The following ARHGAP26 variants were observed in gnomAD, a reference collection of about 807,000 sequenced individuals.
The protein encoded by ARHGAP26 is Rho GTPase activating protein 26, also known as rho GTPase-activating protein 26.
ARHGAP26 carries 38 observed loss-of-function variants against 104.8 expected under a neutral mutation model. The observed-to-expected ratio is 0.36, with a 90% CI of 0.28 to 0.48. ARHGAP26 has a LOEUF of 0.48. Among genes scored for constraint, ARHGAP26 ranks in the 20% least tolerant of loss-of-function variants. The pLI, the probability that ARHGAP26 is intolerant of heterozygous loss-of-function variation, is 0.99. For synonymous variants in ARHGAP26, 341 were observed against 340.0 expected, an observed-to-expected ratio of 1.00 and a Z score of -0.03; for missense variants, 704 against 947.9, an observed-to-expected ratio of 0.74 and a Z score of 3.38.
intron 17 of ARHGAP26, among the ~76,000 whole-genome samples, chr5:143,097,368 A>G (rs1223540526): frequency 6.6e-6 from 1 of 150,572 alleles, no homozygotes; most frequent in Non-Finnish European, 1.5e-5. Context: ...AAGAAAAAAA[A>G]AAAAAAAAAA....
At chr5:143,217,572 C>T (rs927911701) in intron 22 of ARHGAP26, among the ~76,000 whole-genome samples, 1 of 152,310 alleles carries the variant, frequency 6.6e-6, no homozygotes, top group South Asian at 2.1e-4. Context: ...CATTCATTCC[C>T]ATGGTACCTA....
At chr5:142,869,228 A>G (rs1469690028) in intron 1 of ARHGAP26, among the ~76,000 whole-genome samples, 1 of 132,284 alleles carries the variant, frequency 7.6e-6, no homozygotes, top group East Asian at 2.1e-4. Context: ...TTTTTTTGAG[A>G]CAGCGTCTCA....
In ARHGAP26 at chr5:143,223,911, T is replaced by C. The variant is rs1811454930; in HGVS notation, c.*1465T>C. ...ACTTGGCCTGCAAACAACAGAGTTATCCGTATCTTCCACATGTGAATGTCA... is the reference window on the plus strand; with the variant it reads ...ACTTGGCCTGCAAACAACAGAGTTACCCGTATCTTCCACATGTGAATGTCA... On this transcript the variant is annotated 3_prime_UTR_variant, in exon 23 of 23. Coordinates refer to ENST00000645722, the MANE Select transcript of ARHGAP26 (RefSeq NM_001135608.3). 3 of 231,734 alleles carry C rather than the reference T, an allele frequency of 1.3e-5. No homozygotes were observed. 14.4% of individuals were successfully genotyped at this position (231,734 alleles called of 1,614,324 possible).
chr5:142,829,730 C>T (rs252455), intron 1 of ARHGAP26, among the ~76,000 whole-genome samples: 44,549 of 152,140 alleles, frequency 0.29, 8,796 homozygotes, highest in African/African-American at 0.55. Flanking sequence ...CCTGGTCAAG[C>T]AGGTAATGGT....
chr5:142,796,623 C>T (rs941782601), intron 1 of ARHGAP26, among the ~76,000 whole-genome samples: 1 of 152,262 alleles, frequency 6.6e-6, no homozygotes, highest in African/African-American at 2.4e-5. Flanking sequence ...AACGTTTCTG[C>T]TAGCCCTTTT....
At chr5:142,890,151 A>AAAAAAAAAAATATATAT (rs1252590997) in intron 5 of ARHGAP26, among the ~76,000 whole-genome samples, 1 of 32,430 alleles carries the variant, frequency 3.1e-5, no homozygotes, top group Non-Finnish European at 5.5e-5. Context: ...AAAAAAAAAA[A>AAAAAAAAAAATATATAT]ATATATATAT....
intron 21 of ARHGAP26, among the ~76,000 whole-genome samples, chr5:143,209,198 T>C (rs1393881389): frequency 6.6e-6 from 1 of 152,230 alleles, no homozygotes; most frequent in East Asian, 1.9e-4. Context: ...CCTCTCTGCC[T>C]TGATGGTACT....
intron 20 of ARHGAP26, among the ~76,000 whole-genome samples, chr5:143,179,206 C>T (rs541987165): frequency 1.8e-4 from 28 of 152,170 alleles, no homozygotes; most frequent in Non-Finnish European, 4.0e-4. Context: ...GATTATCAGA[C>T]ATTAATATAC....
chr5:143,215,680 A>C (rs965075521), intron 22 of ARHGAP26, among the ~76,000 whole-genome samples: 2 of 152,190 alleles, frequency 1.3e-5, no homozygotes, highest in African/African-American at 4.8e-5. Context: ...TTGTCTCTCT[A>C]GATTTGCCTG....
At chr5:142,953,981 C>T (rs1768805423) in intron 11 of ARHGAP26, among the ~76,000 whole-genome samples, 1 of 152,164 alleles carries the variant, frequency 6.6e-6, no homozygotes, top group Non-Finnish European at 1.5e-5. Flanking sequence ...TTTCTTGTCT[C>T]CTTTGGACCA....
chr5:142,968,989 T>C (rs1480775606), intron 11 of ARHGAP26, among the ~76,000 whole-genome samples: 1 of 152,278 alleles, frequency 6.6e-6, no homozygotes, highest in Non-Finnish European at 1.5e-5. Context: ...TGGAGCGCAG[T>C]GGCGCACTCA....
chr5:142,893,689 A>G (rs1759047033), intron 5 of ARHGAP26, among the ~76,000 whole-genome samples: 1 of 152,218 alleles, frequency 6.6e-6, no homozygotes, highest in African/African-American at 2.4e-5. Flanking sequence ...TCTCCATAAT[A>G]GTTGTACTAA....
chr5:142,943,396 T>C (rs1327820128), intron 11 of ARHGAP26, among the ~76,000 whole-genome samples: 1 of 152,170 alleles, frequency 6.6e-6, no homozygotes, highest in African/African-American at 2.4e-5. Flanking sequence ...ACCATCAAAT[T>C]TGGTGTCTAG....
intron 12 of ARHGAP26, among the ~76,000 whole-genome samples, chr5:143,026,758 A>G (rs1159064372): frequency 8.2e-6 from 1 of 122,150 alleles, no homozygotes; most frequent in African/African-American, 3.1e-5. Flanking sequence ...TGTTTTTAAA[A>G]GATGACTCTG....
chr5:142,845,305 A>C (rs1023829581), intron 1 of ARHGAP26, among the ~76,000 whole-genome samples: 4 of 152,136 alleles, frequency 2.6e-5, no homozygotes, highest in African/African-American at 9.7e-5. Context: ...TCATCCTTAG[A>C]AGAATGCTTC....
At chr5:143,212,431 A>G (rs1599543535) in intron 21 of ARHGAP26, among the ~76,000 whole-genome samples, 1 of 151,852 alleles carries the variant, frequency 6.6e-6, no homozygotes, top group East Asian at 1.9e-4. Flanking sequence ...TTGCTGGCCA[A>G]TACATAGACT....
intron 11 of ARHGAP26, among the ~76,000 whole-genome samples, chr5:142,953,136 C>G (rs1768655485): frequency 6.6e-6 from 1 of 152,188 alleles, no homozygotes; most frequent in Non-Finnish European, 1.5e-5. Flanking sequence ...AATGAACGCC[C>G]ACACCAACCA....
chr5:143,176,753 A>C (rs147625969), intron 20 of ARHGAP26, among the ~76,000 whole-genome samples: 93 of 152,316 alleles, frequency 6.1e-4, no homozygotes, highest in African/African-American at 2.2e-3. Flanking sequence ...AGAGGTCTAC[A>C]TTTGGCATTG....
chr5:142,889,039 C>A (rs1414561152), intron 5 of ARHGAP26, among the ~76,000 whole-genome samples: 1 of 152,180 alleles, frequency 6.6e-6, no homozygotes, highest in Non-Finnish European at 1.5e-5. Flanking sequence ...GATTCTGTGG[C>A]CCACACCATT....
Sources: gnomAD v4.1 joint callset for allele counts (sites outside exome capture counted in the v4.1 genomes callset) on GRCh38, gnomAD v4.1.1 for gene constraint, MANE v1.5 for transcripts, NCBI Gene and HGNC (gene_info 2026-07-23, HGNC 2026-07-21) for gene names.